DENND1A: variants seen among roughly 807,000 people sequenced by gnomAD.
DENND1A encodes DENN domain-containing protein 1A.
DENND1A carries 51 observed loss-of-function variants against 113.7 expected under a neutral mutation model. The observed-to-expected ratio is 0.45, with a 90% confidence interval of 0.36 to 0.57. The LOEUF is 0.57. Among genes scored for constraint, DENND1A ranks in the 20% least tolerant of loss-of-function variants. The pLI, the probability that DENND1A is intolerant of heterozygous loss-of-function variation, is 0.00. For synonymous variants in DENND1A, 565 were observed against 570.8 expected (o/e 0.99, Z 0.14); for missense variants, 1,258 against 1,395.9 (o/e 0.90, Z 1.57).
intron 1 of DENND1A, among the ~76,000 whole-genome samples, chr9:123,903,669 T>TA (rs1212974258): frequency 1.3e-5 from 2 of 152,150 alleles, no homozygotes; most frequent in East Asian, 1.9e-4. Flanking sequence ...CGGACCGGCT[T>TA]AAAAAACGGC....
chr9:123,917,742 G>A (rs1019148311), intron 1 of DENND1A, among the ~76,000 whole-genome samples: 49 of 152,102 alleles, frequency 3.2e-4, no homozygotes, highest in African/African-American at 1.2e-3. Flanking sequence ...AGAAACACTG[G>A]GTCTGGAGGA....
At chr9:123,780,898 A>G (rs1006513539) in intron 3 of DENND1A, among the ~76,000 whole-genome samples, 1 of 152,202 alleles carries the variant, frequency 6.6e-6, no homozygotes, top group Non-Finnish European at 1.5e-5. Context: ...TTACATACCC[A>G]GTGATCCTAC....
At chr9:123,791,269 C>T (rs935649333) in intron 3 of DENND1A, among the ~76,000 whole-genome samples, 1 of 151,936 alleles carries the variant, frequency 6.6e-6, no homozygotes, top group East Asian at 1.9e-4. Context: ...GATTTTCCAG[C>T]CTTTATATAT....
intron 6 of DENND1A, among the ~76,000 whole-genome samples, chr9:123,671,899 A>C (rs1282130955): frequency 6.6e-6 from 1 of 152,244 alleles, no homozygotes; most frequent in African/African-American, 2.4e-5. Context: ...TGTGAAATTG[A>C]GCAACATGAT....
chr9:123,798,846 T>C (rs1834176063), intron 2 of DENND1A, among the ~76,000 whole-genome samples: 1 of 152,104 alleles, frequency 6.6e-6, no homozygotes, highest in African/African-American at 2.4e-5. Context: ...TTGGAATTTT[T>C]TAAAATTACT....
At chr9:123,861,416 T>C (rs1489138208) in intron 2 of DENND1A, among the ~76,000 whole-genome samples, 1 of 152,234 alleles carries the variant, frequency 6.6e-6, no homozygotes, top group Non-Finnish European at 1.5e-5. Flanking sequence ...AAAGGTTAAA[T>C]TGCTGACCTG....
intron 5 of DENND1A, among the ~76,000 whole-genome samples, chr9:123,738,010 A>G (rs1025415238): frequency 6.6e-6 from 1 of 152,210 alleles, no homozygotes; most frequent in Non-Finnish European, 1.5e-5. Context: ...TTAGCTGAGA[A>G]AACTTCCTAG....
intron 13 of DENND1A, among the ~76,000 whole-genome samples, chr9:123,465,931 T>A (rs1230661307): frequency 6.6e-6 from 1 of 152,240 alleles, no homozygotes; most frequent in Non-Finnish European, 1.5e-5. Context: ...ATTTATACAT[T>A]TGTATTTTGT....
At chr9:123,643,067 A>T (rs1187307379) in intron 9 of DENND1A, among the ~76,000 whole-genome samples, 1 of 152,160 alleles carries the variant, frequency 6.6e-6, no homozygotes, top group African/African-American at 2.4e-5. Flanking sequence ...GCAAGGCTGG[A>T]AAAGTCTCCA....
At chr9:123,692,500 G>A (rs1376261354) in intron 5 of DENND1A, among the ~76,000 whole-genome samples, 1 of 152,158 alleles carries the variant, frequency 6.6e-6, no homozygotes, top group Non-Finnish European at 1.5e-5. Context: ...GATTATAAAT[G>A]GGTCACTAGT....
intron 5 of DENND1A, among the ~76,000 whole-genome samples, chr9:123,712,089 A>C (rs7044755): frequency 0.076 from 11,597 of 152,242 alleles, 892 homozygotes; most frequent in African/African-American, 0.2. Flanking sequence ...AATTCCACAC[A>C]AACATATTAT....
At chr9:123,496,973 C>T (rs1188501023) in intron 13 of DENND1A, among the ~76,000 whole-genome samples, 2 of 152,224 alleles carry the variant, frequency 1.3e-5, no homozygotes, top group Non-Finnish European at 2.9e-5. Flanking sequence ...TCCCACCACT[C>T]CCTATCTCCC....
rs1434285515 is a variant in DENND1A at position 123,380,540 on chromosome 9, C to T, written c.*892G>A. 1.3e-5 allele frequency: 2 copies of T among 152,410 alleles called. No individual in the cohort carries two copies. The highest frequency in any genetic ancestry group is 4.8e-5 in the African/African-American group (2 of 41,452). 9.4% of individuals were successfully genotyped at this position (152,410 alleles called of 1,614,324 possible). ...CATCAGTCTGAGGCATTCAGCTTGACCTTTTTGGGTTGAAATCTGGGTTGC... is the reference window on the plus strand; with the variant it reads ...CATCAGTCTGAGGCATTCAGCTTGATCTTTTTGGGTTGAAATCTGGGTTGC... On this transcript the variant is annotated 3_prime_UTR_variant, in exon 24 of 24. Coordinates refer to ENST00000394215, the MANE Select transcript of DENND1A (RefSeq NM_001352964.2).
intron 9 of DENND1A, among the ~76,000 whole-genome samples, chr9:123,630,709 T>A (rs556933614): frequency 1.3e-5 from 2 of 152,332 alleles, no homozygotes; most frequent in Non-Finnish European, 2.9e-5. Flanking sequence ...AGAAAATTTT[T>A]AAAATGGTGA....
intron 20 of DENND1A, 172 bp from the exon 21 acceptor site, chr9:123,403,662 A>C: frequency 1.6e-6 from 1 of 614,660 alleles, no homozygotes; most frequent in Non-Finnish European, 2.9e-6. Context: ...AATAGGCAGC[A>C]GACAGACACA....
chr9:123,521,943 A>G (rs1321244490), intron 13 of DENND1A, among the ~76,000 whole-genome samples: 1 of 152,328 alleles, frequency 6.6e-6, no homozygotes, highest in East Asian at 1.9e-4. Flanking sequence ...CCTGGCACAC[A>G]GGAGGGACAC....
intron 8 of DENND1A, among the ~76,000 whole-genome samples, chr9:123,658,022 C>T (rs1194634207): frequency 6.6e-6 from 1 of 152,130 alleles, no homozygotes; most frequent in Non-Finnish European, 1.5e-5. Flanking sequence ...TCTATAATCG[C>T]AGTTCTTGAT....
intron 19 of DENND1A, among the ~76,000 whole-genome samples, chr9:123,425,961 G>A (rs1395016850): frequency 1.3e-5 from 2 of 152,260 alleles, no homozygotes; most frequent in Admixed American, 6.5e-5. Flanking sequence ...TGAAGAGCTG[G>A]TGAACAAATA....
At chr9:123,886,461 G>C (rs898852491) in intron 1 of DENND1A, among the ~76,000 whole-genome samples, 1 of 152,108 alleles carries the variant, frequency 6.6e-6, no homozygotes, top group Non-Finnish European at 1.5e-5. Flanking sequence ...CAGCTTCAGC[G>C]CAGTGTTTCC....
Sources: gnomAD v4.1 joint callset for allele counts (sites outside exome capture counted in the v4.1 genomes callset) on GRCh38, gnomAD v4.1.1 for gene constraint, MANE v1.5 for transcripts, NCBI Gene and HGNC (gene_info 2026-07-23, HGNC 2026-07-21) for gene names.